The following PHF14 variants were observed in gnomAD, a reference collection of about 807,000 sequenced individuals.
The protein encoded by PHF14 is PHD finger protein 14.
In PHF14, 55 loss-of-function variants were observed where a neutral mutation model predicts 117.9. That is an observed-to-expected ratio of 0.47 (90% CI 0.38 to 0.58). The LOEUF is 0.58. Ranked by LOEUF, PHF14 falls within the 20% of genes least tolerant of loss-of-function variation. The pLI is 0.00. For missense variants in PHF14, 978 were observed against 1,122.2 expected (o/e 0.87, Z 1.84); for synonymous variants, 409 against 368.6 (o/e 1.11, Z -1.26).
At chr7:11,070,529 G>A (rs1785581204) in intron 16 of PHF14, among the ~76,000 whole-genome samples, 1 of 152,304 alleles carries the variant, frequency 6.6e-6, no homozygotes, top group East Asian at 1.9e-4. Flanking sequence ...TTTCTGTAAT[G>A]TATTTGGGCA....
intron 7 of PHF14, 65 bp downstream of exon 7, chr7:11,028,883 A>G: frequency 7.7e-7 from 1 of 1,302,882 alleles, no homozygotes; most frequent in Non-Finnish European, 1.1e-6. Context: ...TCTATGTCCT[A>G]TAATAAGTGT....
chr7:11,158,891 T>C (rs1788936926), intron 17 of PHF14, among the ~76,000 whole-genome samples: 1 of 152,120 alleles, frequency 6.6e-6, no homozygotes, highest in Non-Finnish European at 1.5e-5. Context: ...TGAAGACATA[T>C]TAAACAGTTT....
chr7:10,987,125 T>G (rs1372584155), intron 3 of PHF14, among the ~76,000 whole-genome samples: 1 of 152,194 alleles, frequency 6.6e-6, no homozygotes, highest in Non-Finnish European at 1.5e-5. Context: ...TCTAACTTAT[T>G]AATCAGTTGT....
chr7:11,112,354 A>G (rs1787475153), intron 17 of PHF14, among the ~76,000 whole-genome samples: 2 of 152,212 alleles, frequency 1.3e-5, no homozygotes, highest in African/African-American at 4.8e-5. Context: ...TTTATCATTA[A>G]CTAAAATGAT....
At chr7:11,032,919 T>C (rs1156857241) in intron 7 of PHF14, among the ~76,000 whole-genome samples, 5 of 152,350 alleles carry the variant, frequency 3.3e-5, no homozygotes, top group Non-Finnish European at 7.3e-5. Flanking sequence ...AGATGGATCT[T>C]ACATACTGGA....
At chr7:11,141,542 T>C (rs1461633190) in intron 17 of PHF14, among the ~76,000 whole-genome samples, 2 of 152,084 alleles carry the variant, frequency 1.3e-5, no homozygotes, top group Non-Finnish European at 2.9e-5. Context: ...TAAAAATGTT[T>C]TCTCATTGTT....
In PHF14 at chr7:11,026,128, G is replaced by A. The variant is rs1183972467; in HGVS notation, c.1318-2553G>A. On this transcript the variant is annotated intron_variant, in intron 6 of 17. Transcript: ENST00000634607. ...CTCCATCAAAAAAAAAAAAAAAAAA[G>A]AGAGAGAAATTGCCACAGCCACTCC... 2.9e-5 allele frequency among the ~76,000 whole-genome samples: 4 copies of A among 137,226 alleles called. No homozygotes were observed. In the East Asian group the frequency reaches 6.2e-4, roughly 21 times the overall value. 90.0% of individuals were successfully genotyped at this position (137,226 alleles called of 152,430 possible).
chr7:11,080,689 A>AG (rs1786064577), intron 16 of PHF14, among the ~76,000 whole-genome samples: 1 of 152,194 alleles, frequency 6.6e-6, no homozygotes, highest in African/African-American at 2.4e-5. Context: ...CTAGATCAAA[A>AG]GTACTATTCA....
intron 16 of PHF14, chr7:11,104,330 C>A (rs543681002): frequency 1.0e-6 from 1 of 977,566 alleles, no homozygotes; most frequent in African/African-American, 1.8e-5. Context: ...ATAGGTCCTG[C>A]AAAAAGTATA....
rs575562993 is a variant in PHF14, at chr7:11,086,870, T to A, written c.2655-24480T>A. ...GTATGATACCTATTAAATTCTTACT[T>A]GAGTTTTATTACTCTTAGTCCTCTT... On this transcript the variant is annotated intron_variant, in intron 16 of 17. Transcript: ENST00000634607. Among the ~76,000 whole-genome samples the A allele has an allele frequency of 2.0e-5, 3 of 152,306 alleles. No individual in the cohort carries two copies. The South Asian group carries it at 6.2e-4, about 32-fold the overall frequency.
At chr7:11,027,343 A>G (rs150021190) in intron 6 of PHF14, among the ~76,000 whole-genome samples, 37 of 152,266 alleles carry the variant, frequency 2.4e-4, no homozygotes, top group African/African-American at 8.9e-4. Context: ...GGATTTGACT[A>G]TTGAAGTTTT....
chr7:11,130,576 C>T lies in PHF14; in HGVS notation c.2772+19109C>T, dbSNP rs961825181. 6.6e-6 allele frequency among the ~76,000 whole-genome samples: 1 copy of T among 151,494 alleles called. No homozygotes were observed. The highest frequency in any genetic ancestry group is 2.4e-5 in the African/African-American group (1 of 41,258). On this transcript the variant is annotated intron_variant, in intron 17 of 17. Coordinates refer to ENST00000634607, the MANE Select transcript of PHF14 (RefSeq NM_001007157.2). The surrounding 1 kb of genome is among the most constrained non-coding windows in gnomAD (Gnocchi z 4.2). ...TTAAAACTACAGATTTCCCATATGC[C>T]CCCTCATCCCTTCCTCCTTCCCCTA...
chr7:11,004,583 T>C (rs1011926372), intron 4 of PHF14, among the ~76,000 whole-genome samples: 26 of 152,130 alleles, frequency 1.7e-4, no homozygotes, highest in African/African-American at 6.3e-4. Flanking sequence ...TTCATGATGT[T>C]GACATATTGA....
intron 16 of PHF14, among the ~76,000 whole-genome samples, chr7:11,094,382 T>A (rs1211497136): frequency 6.6e-6 from 1 of 152,210 alleles, no homozygotes; most frequent in African/African-American, 2.4e-5. Context: ...ACTAGAGTTG[T>A]TCTGCACTCC....
intron 17 of PHF14, among the ~76,000 whole-genome samples, chr7:11,157,389 CA>C (rs10693452): frequency 8.8e-4 from 129 of 146,740 alleles, no homozygotes; most frequent in African/African-American, 1.9e-3. Context: ...AATGGGTTAC[CA>C]AAAAAAAAAA....
intron 3 of PHF14, among the ~76,000 whole-genome samples, chr7:10,986,723 C>T (rs1782239195): frequency 6.6e-6 from 1 of 152,116 alleles, no homozygotes; most frequent in African/African-American, 2.4e-5. Flanking sequence ...GATTATCTTG[C>T]CCTTTAGTTT....
chr7:10,989,592 A>G (rs2128309926), intron 3 of PHF14, among the ~76,000 whole-genome samples: 1 of 152,270 alleles, frequency 6.6e-6, no homozygotes, highest in African/African-American at 2.4e-5. Flanking sequence ...CCCTCTTCTG[A>G]AATTTTATCT....
chr7:11,107,703 A>G (rs2128342732), intron 16 of PHF14: 1 of 705,528 alleles, frequency 1.4e-6, no homozygotes, highest in South Asian at 6.4e-5. Flanking sequence ...TTTTTATTAC[A>G]TAGACATTTG....
chr7:11,138,627 A>G (rs1398305449), intron 17 of PHF14, among the ~76,000 whole-genome samples: 1 of 152,194 alleles, frequency 6.6e-6, no homozygotes, highest in Non-Finnish European at 1.5e-5. Context: ...CATATAAATC[A>G]TATACTTAAC....
Sources: gnomAD v4.1 joint callset for allele counts (sites outside exome capture counted in the v4.1 genomes callset) on GRCh38, gnomAD v4.1.1 for gene constraint, Gnocchi (gnomAD v3.1) non-coding constraint, MANE v1.5 for transcripts, NCBI Gene and HGNC (gene_info 2026-07-23, HGNC 2026-07-21) for gene names.